The following CTNNA3 variants were observed in gnomAD, a reference collection of about 807,000 sequenced individuals.
The protein encoded by CTNNA3 is catenin alpha 3.
In CTNNA3, 76 loss-of-function variants were observed where a neutral mutation model predicts 95.7. The ratio of observed to expected loss-of-function variants is 0.79; its 90% CI spans 0.66 to 0.96. The LOEUF (loss-of-function observed/expected upper bound fraction) is 0.96, where lower values mean the gene tolerates loss of function less well. Ranked by LOEUF, CTNNA3 falls within the 40% of genes least tolerant of loss-of-function variation. The probability of loss-of-function intolerance (pLI) is 0.00; values close to 1 mark genes in which losing one functional copy is unlikely to be tolerated. For synonymous variants in CTNNA3, 431 were observed against 374.4 expected (o/e 1.15, Z -1.74); for missense variants, 1,191 against 1,089.8 (o/e 1.09, Z -1.31).
intron 13 of CTNNA3, among the ~76,000 whole-genome samples, chr10:66,166,104 C>T (rs1225109313): frequency 1.3e-5 from 2 of 151,798 alleles, no homozygotes; most frequent in Non-Finnish European, 2.9e-5. Context: ...CAGAAATTAT[C>T]TCATTTGAAC....
At chr10:67,425,540 C>A (rs556160522) in intron 5 of CTNNA3, among the ~76,000 whole-genome samples, 26 of 151,986 alleles carry the variant, frequency 1.7e-4, no homozygotes, top group African/African-American at 5.1e-4. Flanking sequence ...GAAAAAAAAA[C>A]CGTGCAGAAG....
intron 7 of CTNNA3, among the ~76,000 whole-genome samples, chr10:66,905,932 T>C (rs538341034): frequency 1.1e-4 from 17 of 152,336 alleles, no homozygotes; most frequent in Non-Finnish European, 2.2e-4. Flanking sequence ...CTATAGTTAA[T>C]AATACTGTTT....
intron 10 of CTNNA3, among the ~76,000 whole-genome samples, chr10:66,553,652 C>T (rs7895747): frequency 4.7e-5 from 7 of 150,308 alleles, no homozygotes; most frequent in African/African-American, 1.2e-4. Flanking sequence ...TTCAGCCTCC[C>T]GAGTACCTGG....
chr10:67,452,701 C>T (rs1260724403), intron 5 of CTNNA3, among the ~76,000 whole-genome samples: 4 of 152,050 alleles, frequency 2.6e-5, no homozygotes, highest in East Asian at 1.9e-4. Flanking sequence ...CCAGGAGGAG[C>T]GGAGGGTTCT....
intron 5 of CTNNA3, among the ~76,000 whole-genome samples, chr10:67,308,394 C>T (rs1014304208): frequency 1.1e-4 from 16 of 152,164 alleles, no homozygotes; most frequent in Non-Finnish European, 2.4e-4. Context: ...TTTCCCTGCA[C>T]ATGCTCTCTT....
chr10:66,388,881 G>C (rs940745417), intron 11 of CTNNA3, among the ~76,000 whole-genome samples: 1 of 152,018 alleles, frequency 6.6e-6, no homozygotes, highest in Non-Finnish European at 1.5e-5. Context: ...ACAACTATTT[G>C]CATGAAGCTC....
At chr10:67,483,877 A>G (rs915680854) in intron 5 of CTNNA3, among the ~76,000 whole-genome samples, 14 of 152,140 alleles carry the variant, frequency 9.2e-5, no homozygotes, top group Non-Finnish European at 1.5e-5. Context: ...GAAGAAATCA[A>G]TATTATTGAA....
At chr10:67,575,115 T>C (rs945897467) in intron 3 of CTNNA3, among the ~76,000 whole-genome samples, 3 of 152,182 alleles carry the variant, frequency 2.0e-5, no homozygotes, top group Non-Finnish European at 4.4e-5. Flanking sequence ...GAAGGTCAAA[T>C]AGATTCTCTT....
chr10:66,928,525 T>C (rs1273329827), intron 7 of CTNNA3: 1 of 1,394,974 alleles, frequency 7.2e-7, no homozygotes, highest in Non-Finnish European at 9.7e-7. Flanking sequence ...CTCTGGTGAC[T>C]ATCAAGGGAA....
At chr10:66,370,108 A>G (rs189451913) in intron 12 of CTNNA3, among the ~76,000 whole-genome samples, 1 of 152,282 alleles carries the variant, frequency 6.6e-6, no homozygotes, top group African/African-American at 2.4e-5. Context: ...CCCAAACTAG[A>G]GGAAAGAAAA....
At chr10:66,978,525 T>C (rs1850196169) in intron 7 of CTNNA3, among the ~76,000 whole-genome samples, 1 of 8,218 alleles carries the variant, frequency 1.2e-4, no homozygotes, top group Admixed American at 2.6e-3. Context: ...AGACTCCATC[T>C]CAAAAAAAAA....
At chr10:66,157,563 CATT>C (rs560375099) in intron 13 of CTNNA3, among the ~76,000 whole-genome samples, 281 of 151,964 alleles carry the variant, frequency 1.8e-3, no homozygotes, top group Non-Finnish European at 2.4e-3. Flanking sequence ...TTTATCCATT[CATT>C]GAGTGATGGG....
At chr10:66,070,755 T>C (rs2080418564) in intron 14 of CTNNA3, among the ~76,000 whole-genome samples, 1 of 152,112 alleles carries the variant, frequency 6.6e-6, no homozygotes, top group Non-Finnish European at 1.5e-5. Context: ...TAATTGCAAC[T>C]GCTATCCACC....
intron 5 of CTNNA3, among the ~76,000 whole-genome samples, chr10:67,442,835 T>G (rs1318834265): frequency 6.6e-6 from 1 of 151,888 alleles, no homozygotes; most frequent in Non-Finnish European, 1.5e-5. Flanking sequence ...AGGGTACATG[T>G]GCACAATGTG....
chr10:66,475,834 A>T (rs1589302204), intron 11 of CTNNA3, among the ~76,000 whole-genome samples: 1 of 151,796 alleles, frequency 6.6e-6, no homozygotes, highest in East Asian at 1.9e-4. Context: ...GACAAAAAAC[A>T]CTATTTGACC....
At chr10:66,479,057 T>C (rs1839424042) in intron 11 of CTNNA3, among the ~76,000 whole-genome samples, 1 of 152,050 alleles carries the variant, frequency 6.6e-6, no homozygotes, top group African/African-American at 2.4e-5. Flanking sequence ...TTTAGATCTT[T>C]ATGTAGAATT....
intron 7 of CTNNA3, among the ~76,000 whole-genome samples, chr10:67,045,696 C>T (rs545398715): frequency 2.0e-5 from 3 of 152,222 alleles, no homozygotes; most frequent in East Asian, 3.9e-4. Context: ...GGCCCCCAGG[C>T]GGGGATAGCG....
intron 7 of CTNNA3, among the ~76,000 whole-genome samples, chr10:67,097,145 G>A (rs199905119): frequency 6.6e-6 from 1 of 151,726 alleles, no homozygotes; most frequent in South Asian, 2.1e-4. Context: ...TTAAAGAAGT[G>A]GGTGGTGATT....
intron 4 of CTNNA3, among the ~76,000 whole-genome samples, chr10:67,531,771 C>A (rs1224670373): frequency 6.6e-6 from 1 of 152,046 alleles, no homozygotes; most frequent in Non-Finnish European, 1.5e-5. Context: ...GGCTGTGTCC[C>A]CACCCAAATC....
Sources: allele counts gnomAD v4.1 joint callset (sites outside exome capture counted in the v4.1 genomes callset), GRCh38; gene constraint gnomAD v4.1.1; transcripts MANE v1.5; gene names NCBI Gene and HGNC (gene_info 2026-07-23, HGNC 2026-07-21).